Variants in FAM135A observed in about 807,000 individuals in gnomAD.
FAM135A encodes the protein protein FAM135A.
In FAM135A, 79 loss-of-function variants were observed where a neutral mutation model predicts 146.8. The ratio of observed to expected loss-of-function variants is 0.54; its 90% CI spans 0.45 to 0.65. The LOEUF (loss-of-function observed/expected upper bound fraction) is 0.65. Among genes scored for constraint, FAM135A ranks in the 30% least tolerant of loss-of-function variants. The probability of loss-of-function intolerance (pLI) is 0.00; values close to 1 mark genes in which losing one functional copy is unlikely to be tolerated. For missense variants in FAM135A, 1,623 were observed against 1,758.2 expected, an observed-to-expected ratio of 0.92 and a Z score of 1.38; for synonymous variants, 562 against 603.6, an observed-to-expected ratio of 0.93 and a Z score of 1.01.
chr6:70,464,019 T>C (rs1779911209), intron 5 of FAM135A, among the ~76,000 whole-genome samples: 1 of 151,882 alleles, frequency 6.6e-6, no homozygotes, highest in African/African-American at 2.4e-5. Context: ...CAAACTAGAC[T>C]GGGAGCTCTG....
In FAM135A at chr6:70,551,384, G is replaced by C. The variant is rs570930749; in HGVS notation, c.4229-5366G>C. On this transcript the variant is annotated intron_variant, in intron 20 of 21. Transcript: ENST00000418814. The stretch of plus-strand genomic sequence containing the variant: ...CAGAACTTTGCAAGGCCGAGGCTGG[G>C]AATCTCCGAATCCTAGGAGTTTGAG... Among the ~76,000 whole-genome samples the C allele has an allele frequency of 6.6e-5, 10 of 152,224 alleles. No individual in the cohort carries two copies. In the South Asian group the frequency reaches 1.9e-3, roughly 28 times the overall value.
At chr6:70,421,491 C>G (rs1768842184) in intron 2 of FAM135A, among the ~76,000 whole-genome samples, 1 of 152,060 alleles carries the variant, frequency 6.6e-6, no homozygotes, top group South Asian at 2.1e-4. Context: ...CTAACTTTCC[C>G]CAAGGTATTA....
chr6:70,429,966 G>C (rs946298104), intron 4 of FAM135A, among the ~76,000 whole-genome samples: 5 of 151,878 alleles, frequency 3.3e-5, no homozygotes, highest in African/African-American at 1.2e-4. Context: ...CCTGTGCTGT[G>C]GTCTGCTCTA....
chr6:70,539,792 G>A (rs1227242520), intron 20 of FAM135A, among the ~76,000 whole-genome samples: 4 of 151,942 alleles, frequency 2.6e-5, no homozygotes, highest in Admixed American at 6.6e-5. Context: ...TCAGGAGATC[G>A]AGACCATCCT....
intron 5 of FAM135A, among the ~76,000 whole-genome samples, chr6:70,455,775 C>A: frequency 6.6e-6 from 1 of 152,056 alleles, no homozygotes; most frequent in East Asian, 1.9e-4. Flanking sequence ...AGTCTAACCA[C>A]TTTTAAGTAA....
chr6:70,467,298 A>G (rs986068793), intron 5 of FAM135A, among the ~76,000 whole-genome samples: 1 of 152,018 alleles, frequency 6.6e-6, no homozygotes, highest in Admixed American at 6.6e-5. Flanking sequence ...TCTGATTACT[A>G]ATCTTATTTT....
At chr6:70,517,898 C>G (rs912387545) in intron 12 of FAM135A, among the ~76,000 whole-genome samples, 3 of 152,162 alleles carry the variant, frequency 2.0e-5, no homozygotes, top group African/African-American at 4.8e-5. Context: ...CTCTCTTCCT[C>G]TACTTGGGTC....
chr6:70,421,600 T>G (rs1184859882), intron 2 of FAM135A, among the ~76,000 whole-genome samples: 1 of 152,236 alleles, frequency 6.6e-6, no homozygotes, highest in Non-Finnish European at 1.5e-5. Context: ...GTTTCTCACT[T>G]AGTTTCAGAG....
chr6:70,550,066 A>G (rs983320348), intron 20 of FAM135A, among the ~76,000 whole-genome samples: 2 of 152,196 alleles, frequency 1.3e-5, no homozygotes, highest in African/African-American at 4.8e-5. Context: ...GCAGCCATTC[A>G]GTCACATCTT....
intron 9 of FAM135A, 75 bp from the exon 10 acceptor site, chr6:70,481,926 C>A (rs1168254296): frequency 7.2e-7 from 1 of 1,397,674 alleles, no homozygotes; most frequent in East Asian, 2.5e-5. Flanking sequence ...AGTATTTTTT[C>A]TTTATTTTTC....
intron 4 of FAM135A, among the ~76,000 whole-genome samples, chr6:70,446,684 G>C (rs111758658): frequency 6.6e-6 from 1 of 152,040 alleles, no homozygotes; most frequent in Non-Finnish European, 1.5e-5. Context: ...CATTATTACC[G>C]GCCAAGATTG....
In FAM135A at chr6:70,525,665, C is replaced by A. The variant is rs139695856; in HGVS notation, c.2581C>A (p.Pro861Thr). The A allele has an allele frequency of 6.8e-6, 11 of 1,612,392 alleles. No individual in the cohort carries two copies. Among genetic ancestry groups the A allele is most frequent in the Middle Eastern group, 3.3e-4 (2 of 6,070 alleles). The change falls in exon 15 of 22, where the codon CCT becomes ACT. Residue 861 changes from proline (P) to threonine (T), a missense_variant. By Grantham distance (38) the Pro-to-Thr change is conservative (BLOSUM62 -1). This residue lies in a region of FAM135A where 1,061 missense variants were observed against 1,113.8 expected (regional missense o/e 0.95). Transcript: ENST00000418814. ...TGAAAATTCTAAGAAATCTGTTGTA[C>A]CTGAATGCCATCTAAATGATAGCAA... ...PDENSKKSVV[P>T]ECHLNDSKTV... is the part of the protein sequence containing the mutation.
intron 16 of FAM135A, among the ~76,000 whole-genome samples, chr6:70,528,718 T>C (rs1795212846): frequency 6.6e-6 from 1 of 151,520 alleles, no homozygotes. Context: ...TTTTTCATTA[T>C]ACTTTAAGTT....
At chr6:70,508,714 ATATT>A (rs1454204078) in intron 12 of FAM135A, among the ~76,000 whole-genome samples, 3 of 152,224 alleles carry the variant, frequency 2.0e-5, no homozygotes, top group Non-Finnish European at 2.9e-5. Context: ...ATCATACAAA[ATATT>A]TATAAATAAA....
At chr6:70,486,888 T>C (rs1309002068) in intron 10 of FAM135A, among the ~76,000 whole-genome samples, 1 of 151,190 alleles carries the variant, frequency 6.6e-6, no homozygotes, top group Admixed American at 6.6e-5. Context: ...GATCGTGCCA[T>C]TGCACTCCAG....
Position 70,432,707 on chromosome 6 carries a change from T to G in FAM135A, c.77+4288T>G, listed in dbSNP as rs542034511. ...TGCATTGGATTATTTATAGATAAAT[T>G]GATTATATCTCTTTTTTCTGATTAA... is the stretch of plus-strand genomic sequence containing the variant. On this transcript the variant is annotated intron_variant, in intron 4 of 21. Transcript: ENST00000418814. Among the ~76,000 whole-genome samples, 12 of 152,230 alleles carry G rather than the reference T, an allele frequency of 7.9e-5. No individual in the cohort carries two copies. The South Asian group carries it at 2.5e-3, about 32-fold the overall frequency.
At chr6:70,516,138 C>T (rs1210636655) in intron 12 of FAM135A, among the ~76,000 whole-genome samples, 1 of 152,088 alleles carries the variant, frequency 6.6e-6, no homozygotes, top group Non-Finnish European at 1.5e-5. Flanking sequence ...GGTAAGTTCT[C>T]CTCTCATGGT....
intron 3 of FAM135A, among the ~76,000 whole-genome samples, chr6:70,427,804 CT>C (rs1770542868): frequency 1.3e-5 from 2 of 152,130 alleles, no homozygotes; most frequent in African/African-American, 4.8e-5. Context: ...AGGAAAAAAT[CT>C]CTTTCTCTTT....
At chr6:70,512,041 CAT>C (rs1404294905) in intron 12 of FAM135A, among the ~76,000 whole-genome samples, 5 of 151,948 alleles carry the variant, frequency 3.3e-5, no homozygotes, top group Non-Finnish European at 7.4e-5. Context: ...ATCATTATAA[CAT>C]ATTTTGAAAA....
Sources: gnomAD v4.1 joint callset for allele counts (sites outside exome capture counted in the v4.1 genomes callset) on GRCh38, gnomAD v4.1.1 for gene constraint, gnomAD v4.1.1 regional missense constraint, MANE v1.5 for transcripts, NCBI Gene and HGNC (gene_info 2026-07-23, HGNC 2026-07-21) for gene names.